The following KCNH1 variants were observed in gnomAD, a reference collection of about 807,000 sequenced individuals.
The protein encoded by KCNH1 is voltage-gated delayed rectifier potassium channel KCNH1.
KCNH1 carries 27 observed loss-of-function variants against 69.2 expected under a neutral mutation model. That is an observed-to-expected ratio of 0.39 (90% CI 0.29 to 0.54). The LOEUF (loss-of-function observed/expected upper bound fraction) is 0.54. Among genes scored for constraint, KCNH1 ranks in the 20% least tolerant of loss-of-function variants. The pLI is 0.68. For synonymous variants in KCNH1, 456 were observed against 487.7 expected (o/e 0.93, Z 0.86); for missense variants, 798 against 1,261.6 (o/e 0.63, Z 5.57).
At chr1:210,799,872 ACC>A in intron 8 of KCNH1, among the ~76,000 whole-genome samples, 1 of 151,416 alleles carries the variant, frequency 6.6e-6, no homozygotes, top group South Asian at 2.1e-4. Flanking sequence ...TTATATCCCC[ACC>A]CCCTCAGGTG....
chr1:211,065,297 C>T (rs1348307055), intron 5 of KCNH1, among the ~76,000 whole-genome samples: 1 of 152,100 alleles, frequency 6.6e-6, no homozygotes, highest in Non-Finnish European at 1.5e-5. Context: ...ACGGAATATT[C>T]AGCCATAAAA....
chr1:210,921,510 A>G (rs1196733072), intron 6 of KCNH1, among the ~76,000 whole-genome samples: 1 of 152,176 alleles, frequency 6.6e-6, no homozygotes, highest in Non-Finnish European at 1.5e-5. Context: ...ACAGAAGGAA[A>G]ATGTACACAA....
intron 5 of KCNH1, among the ~76,000 whole-genome samples, chr1:211,050,326 C>G (rs1171992734): frequency 2.2e-5 from 3 of 136,532 alleles, no homozygotes; most frequent in Non-Finnish European, 3.1e-5. Context: ...GGGTGGCGCT[C>G]TAGTCACAAA....
chr1:211,014,118 C>T (rs1022551928), intron 6 of KCNH1, among the ~76,000 whole-genome samples: 4 of 152,172 alleles, frequency 2.6e-5, no homozygotes, highest in Admixed American at 6.5e-5. Flanking sequence ...GGCTCCAGGG[C>T]ACCAGCATTG....
chr1:210,827,169 C>G (rs1038448340), intron 7 of KCNH1, among the ~76,000 whole-genome samples: 1 of 152,114 alleles, frequency 6.6e-6, no homozygotes, highest in African/African-American at 2.4e-5. Flanking sequence ...AACCCCATCT[C>G]TATTAAAAAC....
At chr1:210,965,770 A>G (rs1376753448) in intron 6 of KCNH1, among the ~76,000 whole-genome samples, 1 of 152,180 alleles carries the variant, frequency 6.6e-6, no homozygotes, top group Non-Finnish European at 1.5e-5. Flanking sequence ...ATGCTCATGG[A>G]TAGGAAGAAT....
In KCNH1 at chr1:211,116,766, C is replaced by A. The variant is rs1691591381; in HGVS notation, c.80-9389G>T. On this transcript the variant is annotated intron_variant, in intron 1 of 10. Coordinates refer to ENST00000271751, the MANE Select transcript of KCNH1 (RefSeq NM_172362.3). ...CAGAACCTATAATACTTGTGACAGG[C>A]CCTGCCAGACCTGTGCTCAACTTCA... 2.0e-5 allele frequency among the ~76,000 whole-genome samples: 3 copies of A among 152,184 alleles called. No individual in the cohort carries two copies. The South Asian group carries it at 6.2e-4, about 32-fold the overall frequency.
chr1:211,036,375 T>C (rs1405587493), intron 5 of KCNH1, among the ~76,000 whole-genome samples: 7 of 152,168 alleles, frequency 4.6e-5, no homozygotes, highest in African/African-American at 1.2e-4. Flanking sequence ...AATGTAACTT[T>C]CTTAAGTTTT....
intron 7 of KCNH1, among the ~76,000 whole-genome samples, chr1:210,909,646 G>A (rs1687186535): frequency 6.6e-6 from 1 of 152,230 alleles, no homozygotes; most frequent in Non-Finnish European, 1.5e-5. Flanking sequence ...CCCAGGGACT[G>A]TCTATGCTAT....
At chr1:210,857,806 C>T (rs958416996) in intron 7 of KCNH1, among the ~76,000 whole-genome samples, 5 of 152,138 alleles carry the variant, frequency 3.3e-5, no homozygotes, top group Non-Finnish European at 7.3e-5. Flanking sequence ...TTTCAACTTG[C>T]AGTTAGAAAG....
At chr1:210,854,354 A>G (rs977019662) in intron 7 of KCNH1, among the ~76,000 whole-genome samples, 11 of 152,236 alleles carry the variant, frequency 7.2e-5, no homozygotes, top group Non-Finnish European at 1.6e-4. Flanking sequence ...AGATTAATTC[A>G]GCTAGTCCAA....
intron 10 of KCNH1, among the ~76,000 whole-genome samples, chr1:210,748,351 C>T (rs1683208941): frequency 6.6e-6 from 1 of 152,184 alleles, no homozygotes; most frequent in African/African-American, 2.4e-5. Context: ...CTTTTAGAAA[C>T]AGAAGGAGAA....
At chr1:210,948,045 TA>T (rs34741110) in intron 6 of KCNH1, among the ~76,000 whole-genome samples, 2,980 of 139,544 alleles carry the variant, frequency 0.021, 56 homozygotes, top group African/African-American at 0.049. Flanking sequence ...CCATCCCTAT[TA>T]AAAAAAAAAA....
chr1:210,821,585 C>T (rs960419480), intron 7 of KCNH1, among the ~76,000 whole-genome samples: 1 of 152,046 alleles, frequency 6.6e-6, no homozygotes, highest in Admixed American at 6.6e-5. Context: ...ATATTTGCTA[C>T]ACAGGAGAGC....
At chr1:210,763,163 C>T (rs1683556453) in intron 10 of KCNH1, among the ~76,000 whole-genome samples, 1 of 151,892 alleles carries the variant, frequency 6.6e-6, no homozygotes, top group East Asian at 1.9e-4. Context: ...GTAGTCAATA[C>T]AATCCAACAT....
intron 10 of KCNH1, among the ~76,000 whole-genome samples, chr1:210,694,076 A>T (rs1249994937): frequency 1.3e-5 from 2 of 152,038 alleles, no homozygotes; most frequent in African/African-American, 4.8e-5. Flanking sequence ...CTTCCATTAA[A>T]AGCTCCTTGA....
chr1:211,050,989 TTTGTTGTTG>T (rs6143600), intron 5 of KCNH1, among the ~76,000 whole-genome samples: 1 of 150,384 alleles, frequency 6.6e-6, no homozygotes, highest in African/African-American at 2.5e-5. Flanking sequence ...ATATTTTTGT[TTTGTTGTTG>T]TTGTTGTTGT....
chr1:211,014,104 T>C (rs555431746), intron 6 of KCNH1, among the ~76,000 whole-genome samples: 51 of 152,298 alleles, frequency 3.3e-4, no homozygotes, highest in Non-Finnish European at 5.3e-4. Flanking sequence ...CTTGGCCACC[T>C]TCAGGCTCCA....
chr1:210,787,992 C>G (rs1684135486), intron 9 of KCNH1, among the ~76,000 whole-genome samples: 1 of 152,162 alleles, frequency 6.6e-6, no homozygotes, highest in African/African-American at 2.4e-5. Flanking sequence ...CATGACAATT[C>G]TCCTTCTGTT....
Sources: gnomAD v4.1 joint callset for allele counts (sites outside exome capture counted in the v4.1 genomes callset) on GRCh38, gnomAD v4.1.1 for gene constraint, MANE v1.5 for transcripts, NCBI Gene and HGNC (gene_info 2026-07-23, HGNC 2026-07-21) for gene names.